The following HMGCS2 variants were observed in gnomAD, a reference collection of about 807,000 sequenced individuals.
The protein encoded by HMGCS2 is hydroxymethylglutaryl-CoA synthase, mitochondrial.
In HMGCS2, 50 loss-of-function variants were observed where a neutral mutation model predicts 57.4. The ratio of observed to expected loss-of-function variants is 0.87; its 90% confidence interval spans 0.69 to 1.10. The LOEUF is 1.10. Among genes scored for constraint, HMGCS2 ranks in the 50% least tolerant of loss-of-function variants. The pLI is 0.00. For synonymous variants in HMGCS2, 254 were observed against 245.1 expected (o/e 1.04, Z -0.34); for missense variants, 627 against 636.5 (o/e 0.99, Z 0.16).
At chr1:119,751,379 T>TG (rs1652657049) in intron 8 of HMGCS2, among the ~76,000 whole-genome samples, 1 of 150,424 alleles carries the variant, frequency 6.6e-6, no homozygotes, top group Non-Finnish European at 1.5e-5. Context: ...TTTTTTTTTT[T>TG]GTTTTGAGAC....
intron 4 of HMGCS2, among the ~76,000 whole-genome samples, chr1:119,758,111 C>T (rs1031457623): frequency 6.6e-6 from 1 of 152,282 alleles, no homozygotes; most frequent in Non-Finnish European, 1.5e-5. Context: ...ATGACACCCC[C>T]AAGGCATCCA....
Position 119,752,652 on chromosome 1 carries a change from C to G in HMGCS2, c.1317G>C (p.Val439=). The change falls in exon 8 of 10, where the codon GTG becomes GTC. Residue 439 remains valine, a synonymous_variant. Coordinates refer to ENST00000369406, the MANE Select transcript of HMGCS2 (RefSeq NM_005518.4). ...AAPGSPLDKL[V]SSTSDLPKRL... is the part of the protein sequence containing the mutation. The stretch of plus-strand genomic sequence containing the variant: ...GTTTTGGCAGGTCTGATGTGCTGGA[C>G]ACCAACTTGTCCAGGGGAGAGCCTG... The G allele has an allele frequency of 6.2e-7, 1 of 1,614,112 alleles. No individual in the cohort carries two copies.
rs765384188 is a variant in HMGCS2 at position 119,764,408 on chromosome 1, G to A, written c.323C>T (p.Thr108Met). 22 of 1,614,214 alleles carry A rather than the reference G, an allele frequency of 1.4e-5. No homozygotes were observed. Among genetic ancestry groups the A allele is most frequent in the South Asian group, 4.4e-5 (4 of 91,092 alleles). ...VQEDINSLCLTVVQRLMERIQ... is the reference protein window; with the variant it reads ...VQEDINSLCLMVVQRLMERIQ... ...GCGCTCCATCAGCCGTTGCACCACCGTCAGGCACAGGGAGTTGATGTCCTC... is the reference window on the plus strand; with the variant it reads ...GCGCTCCATCAGCCGTTGCACCACCATCAGGCACAGGGAGTTGATGTCCTC... The change falls in exon 2 of 10, where the codon ACG becomes ATG. Residue 108 changes from threonine (T) to methionine (M), a missense_variant. Physicochemically the swap from Thr to Met is moderately conservative, Grantham distance 81 (BLOSUM62 -1). Transcript: ENST00000369406.
intron 7 of HMGCS2, 74 bp from the exon 8 acceptor site, chr1:119,752,748 A>C (rs1652705666): frequency 6.4e-7 from 1 of 1,567,648 alleles, no homozygotes. Context: ...AGTTCAACAG[A>C]GAGCCAGGTT....
At chr1:119,763,885 C>A (rs760968258) in intron 2 of HMGCS2, among the ~76,000 whole-genome samples, 49 of 152,178 alleles carry the variant, frequency 3.2e-4, no homozygotes, top group Non-Finnish European at 2.8e-4. Flanking sequence ...CTCTGCCACT[C>A]ACTATGTGTA....
intron 1 of HMGCS2, among the ~76,000 whole-genome samples, chr1:119,766,306 G>C (rs771048866): frequency 6.6e-6 from 1 of 152,200 alleles, no homozygotes; most frequent in South Asian, 2.1e-4. Context: ...AGTTTCTCAC[G>C]TGTTAGAAAT....
rs775467808 is a variant in HMGCS2, at chr1:119,752,687, A to G, written c.1295-13T>C. On this transcript the variant is annotated splice_polypyrimidine_tract_variant and intron_variant, in intron 7 of 9. Transcript: ENST00000369406. ...TCCAGGGGAGAGCCTGGGAAGCAAA[A>G]GCAAGATTGTTACACCTTTTTCATT... 1.9e-6 allele frequency: 3 copies of G among 1,613,978 alleles called. No individual in the cohort carries two copies. The Admixed American group carries it at 5.0e-5, about 27-fold the overall frequency.
intron 3 of HMGCS2, 90 bp from the exon 4 acceptor site, chr1:119,759,372 G>T: frequency 1.1e-5 from 15 of 1,318,272 alleles, no homozygotes; most frequent in Non-Finnish European, 1.6e-5. Context: ...GGAGGTTTCT[G>T]GTCATTATCT....
At chr1:119,754,956 T>C (rs1362983950) in intron 6 of HMGCS2, among the ~76,000 whole-genome samples, 1 of 152,202 alleles carries the variant, frequency 6.6e-6, no homozygotes, top group African/African-American at 2.4e-5. Context: ...CATACACCTT[T>C]GGTACGAGTT....
rs748252959 is a variant in HMGCS2, at chr1:119,753,303, C to G, written c.1271G>C (p.Arg424Pro). 6.2e-7 allele frequency: 1 copy of G among 1,612,826 alleles called. No homozygotes were observed. Among genetic ancestry groups the G allele is most frequent in the South Asian group, 1.1e-5 (1 of 90,988 alleles). The change falls in exon 7 of 10, where the codon CGA becomes CCA. Residue 424 changes from arginine to proline, a missense_variant. Arg to Pro is a moderately radical substitution (Grantham distance 103). Transcript: ENST00000369406. ...SGLAASFFSF[R>P]VSQDAAPGSP... ...ACCTGGAGCAGCATCCTGGGATACT[C>G]GAAATGAAAAGAAACTTGCTGCTAA... is the stretch of plus-strand genomic sequence containing the variant.
Position 119,759,872 on chromosome 1 carries a change from AG to A in HMGCS2, c.676del (p.Leu226TrpfsTer5). On this transcript the variant is annotated frameshift_variant, in exon 3 of 10. Coordinates refer to ENST00000369406, the MANE Select transcript of HMGCS2 (RefSeq NM_005518.4). LOFTEE classifies it high-confidence loss of function. ...AATGGATTACTACAAACCTCGCTCC[AG>A]GGCCAGAGGGGCCTTGGGCCCAATC... Reference protein sequence around the residue: ...MLIGPKAPLALERGLRGTHME... With the variant: ...MLIGPKAPLAXERGLRGTHME... The A allele has an allele frequency of 6.2e-7, 1 of 1,614,156 alleles. No individual in the cohort carries two copies.
rs1347897263 is a variant in HMGCS2, at chr1:119,759,870, C to G, written c.679G>C (p.Glu227Gln). 1 of 1,614,122 alleles carries G rather than the reference C, an allele frequency of 6.2e-7. No homozygotes were observed. The highest frequency in any genetic ancestry group is 1.1e-5 in the South Asian group (1 of 91,028). ...GTAATGGATTACTACAAACCTCGCT[C>G]CAGGGCCAGAGGGGCCTTGGGCCCA... ...LIGPKAPLAL[E>Q]RGLRGTHMEN... is the part of the protein sequence containing the mutation. The change falls in exon 3 of 10, where the codon GAG (glutamate) becomes CAG (glutamine). Residue 227 changes from glutamate to glutamine, a missense_variant. Transcript: ENST00000369406.
rs1346871356 is a variant in HMGCS2, at chr1:119,764,612, G to T, written c.119C>A (p.Ser40Tyr). The change falls in exon 2 of 10, where the codon TCT becomes TAT. Residue 40 changes from serine to tyrosine, a missense_variant. Physicochemically the swap from Ser to Tyr is moderately radical, Grantham distance 144 (BLOSUM62 -2). Coordinates refer to ENST00000369406, the MANE Select transcript of HMGCS2 (RefSeq NM_005518.4). ...PVAHQRFSTA[S>Y]AVPLAKTDTW... Reference sequence around the variant, plus strand: ...ATCTGTTTTGGCCAGGGGGACAGCAGAGGCTGTAGAAAACCTGTGATGGAG... The same window carrying T: ...ATCTGTTTTGGCCAGGGGGACAGCATAGGCTGTAGAAAACCTGTGATGGAG... 5.6e-6 allele frequency: 9 copies of T among 1,613,424 alleles called. No individual in the cohort carries two copies. In the Admixed American group the frequency reaches 1.3e-4, roughly 24 times the overall value.
chr1:119,754,841 A>T (rs1258728736), intron 6 of HMGCS2, among the ~76,000 whole-genome samples: 1 of 152,202 alleles, frequency 6.6e-6, no homozygotes, highest in East Asian at 1.9e-4. Flanking sequence ...TGCATACCAA[A>T]GCTACTGTTT....
intron 6 of HMGCS2, 31 bp downstream of exon 6, chr1:119,755,396 T>C (rs890947275): frequency 6.2e-7 from 1 of 1,609,312 alleles, no homozygotes; most frequent in Middle Eastern, 1.7e-4. Context: ...AGGGTGTGCA[T>C]GGAGGACATG....
chr1:119,756,260 A>G (rs1652836440), intron 5 of HMGCS2, among the ~76,000 whole-genome samples: 1 of 152,206 alleles, frequency 6.6e-6, no homozygotes, highest in Non-Finnish European at 1.5e-5. Context: ...ATGAATATGC[A>G]TATTTAAAAT....
chr1:119,768,395 G>A (rs1370974630), intron 1 of HMGCS2, among the ~76,000 whole-genome samples: 2 of 152,214 alleles, frequency 1.3e-5, no homozygotes, highest in Non-Finnish European at 2.9e-5. Flanking sequence ...AAGGTCCTGT[G>A]GTTCTAGGCA....
chr1:119,759,765 CA>C (rs1417339029), intron 3 of HMGCS2, 98 bp downstream of exon 3: 130 of 1,447,568 alleles, frequency 9.0e-5, no homozygotes, highest in Non-Finnish European at 1.2e-4. Context: ...TCCTCAAACG[CA>C]TACCTCAGCC....
At chr1:119,757,571 T>G in intron 4 of HMGCS2, 133 bp from the exon 5 acceptor site, 1 of 1,401,472 alleles carries the variant, frequency 7.1e-7, no homozygotes, top group Non-Finnish European at 9.7e-7. Context: ...CAAACACATA[T>G]GAGCTTTATT....
Sources: allele counts gnomAD v4.1 joint callset (sites outside exome capture counted in the v4.1 genomes callset), GRCh38; gene constraint gnomAD v4.1.1; transcripts MANE v1.5; gene names NCBI Gene and HGNC (gene_info 2026-07-23, HGNC 2026-07-21).